The following STARD8 variants were observed in gnomAD, a reference collection of about 807,000 sequenced individuals.
STARD8 encodes the protein StAR related lipid transfer domain containing 8, also known as stAR-related lipid transfer protein 8.
STARD8 carries 25 observed loss-of-function variants against 69.4 expected under a neutral mutation model. That is an observed-to-expected ratio of 0.36 (90% CI 0.26 to 0.50). STARD8 has a LOEUF of 0.50. Among genes scored for constraint, STARD8 ranks in the 20% least tolerant of loss-of-function variants. The pLI is 0.96. For missense variants in STARD8, 921 were observed against 932.5 expected, an observed-to-expected ratio of 0.99 and a Z score of 0.16; for synonymous variants, 389 against 374.6, an observed-to-expected ratio of 1.04 and a Z score of -0.45.
Position 68,717,798 on chromosome X carries a change from G to T in STARD8, c.884G>T (p.Gly295Val), listed in dbSNP as rs1424903287. The T allele has an allele frequency of 8.3e-7, 1 of 1,211,786 alleles. No homozygotes were observed. The change falls in exon 6 of 15, where the codon GGT (glycine) becomes GTT (valine). Residue 295 changes from glycine to valine, a missense_variant. Transcript: ENST00000374599. ...CGGCATCCTCAGTGGACACACCGGG[G>T]TGATTGCCTGGTGCACGTTCCTGGG... ...SFRHPQWTHR[G>V]DCLVHVPGDH... is the part of the protein sequence containing the mutation.
rs1481143365 is a variant in STARD8, at chrX:68,725,123, C to G, written c.*701C>G. Reference sequence around the variant, plus strand: ...CCTTCCTTTCTCAAGTCTCGAGATGCCAGTGAAACCAGTATTCCCTGACTT... The same window carrying G: ...CCTTCCTTTCTCAAGTCTCGAGATGGCAGTGAAACCAGTATTCCCTGACTT... On this transcript the variant is annotated 3_prime_UTR_variant, in exon 15 of 15. Coordinates refer to ENST00000374599, the MANE Select transcript of STARD8 (RefSeq NM_001142503.3). The G allele has an allele frequency of 9.0e-6, 1 of 111,183 alleles. No individual in the cohort carries two copies. The highest frequency in any genetic ancestry group is 1.9e-5 in the Non-Finnish European group (1 of 53,005). 9.2% of individuals were successfully genotyped at this position (111,183 alleles called of 1,213,427 possible). A position where few individuals can be genotyped will look rare whatever the true frequency, so the allele number is the denominator to read the frequency against.
intron 4 of STARD8, among the ~76,000 whole-genome samples, 194 bp downstream of exon 4, chrX:68,715,569 A>T (rs1291757504): frequency 1.8e-5 from 2 of 112,563 alleles, no homozygotes; most frequent in African/African-American, 6.5e-5. Context: ...TCTAGCTAGA[A>T]AGCCAAGATC....
At chrX:68,709,828 G>GAA (rs1243466941) in intron 2 of STARD8, among the ~76,000 whole-genome samples, 1 of 94,128 alleles carries the variant, frequency 1.1e-5, no homozygotes, top group Admixed American at 1.1e-4. Flanking sequence ...GTCTCAAAAA[G>GAA]AAAAAAAAAA....
chrX:68,717,340 G>A lies in STARD8; in HGVS notation c.426G>A (p.Ala142=), dbSNP rs146932037. 36 of 1,205,042 alleles carry A rather than the reference G, an allele frequency of 3.0e-5. No homozygotes were observed. Among genetic ancestry groups the A allele is most frequent in the South Asian group, 1.3e-4 (7 of 55,968 alleles). ...CCCCACCGAGCCCTGGCCTGCCAGC[G>A]ACCTCAAGCTGTGAGAGCGTCCTCA... is the stretch of plus-strand genomic sequence containing the variant. ...LLAPPSPGLP[A]TSSCESVLTE... is the part of the protein sequence containing the mutation. Residue 142 remains alanine, a synonymous_variant, in exon 6 of 15, where the codon GCG becomes GCA. Coordinates refer to ENST00000374599, the MANE Select transcript of STARD8 (RefSeq NM_001142503.3).
chrX:68,685,926 G>A (rs975022709), intron 2 of STARD8, among the ~76,000 whole-genome samples: 1 of 112,263 alleles, frequency 8.9e-6, no homozygotes, highest in Non-Finnish European at 1.9e-5. Flanking sequence ...TGTCAAGATG[G>A]CCAGAGCCAT....
chrX:68,655,468 A>G (rs1157717740), intron 1 of STARD8, among the ~76,000 whole-genome samples: 1 of 111,979 alleles, frequency 8.9e-6, no homozygotes, highest in Non-Finnish European at 1.9e-5. Context: ...ATAACCTGTC[A>G]GCTGGGTGAT....
At chrX:68,652,169 T>C (rs1374046969) in intron 1 of STARD8, among the ~76,000 whole-genome samples, 1 of 110,963 alleles carries the variant, frequency 9.0e-6, no homozygotes, top group Non-Finnish European at 1.9e-5. Flanking sequence ...GGCTGTGTCT[T>C]TAAAGTGCCT....
chrX:68,690,101 CG>C (rs1045432589), intron 2 of STARD8, among the ~76,000 whole-genome samples: 1 of 110,250 alleles, frequency 9.1e-6, no homozygotes, highest in Non-Finnish European at 1.9e-5. Context: ...TGAGGCTGGG[CG>C]GGGGCCCCAA....
chrX:68,706,747 C>T (rs2080009892), intron 2 of STARD8, among the ~76,000 whole-genome samples: 1 of 113,059 alleles, frequency 8.8e-6, no homozygotes, highest in Non-Finnish European at 1.9e-5. Context: ...AAAGAAGCTG[C>T]TCAGAGCAGT....
intron 1 of STARD8, among the ~76,000 whole-genome samples, chrX:68,660,132 G>C (rs893527233): frequency 9.0e-6 from 1 of 110,864 alleles, no homozygotes; most frequent in African/African-American, 3.3e-5. Context: ...GGAGACAGAG[G>C]GGAGGTAGGT....
chrX:68,719,718 C>T (rs780391652), intron 7 of STARD8, among the ~76,000 whole-genome samples: 10 of 112,421 alleles, frequency 8.9e-5, no homozygotes, highest in Non-Finnish European at 1.7e-4. Flanking sequence ...ACCATGACTC[C>T]TTCCTGTTCT....
chrX:68,704,101 G>A (rs1602592336), intron 2 of STARD8, among the ~76,000 whole-genome samples: 4 of 111,428 alleles, frequency 3.6e-5, no homozygotes, highest in Admixed American at 1.9e-4. Flanking sequence ...ACACTGCAGC[G>A]GCAACACAAA....
intron 3 of STARD8, among the ~76,000 whole-genome samples, chrX:68,713,970 T>C (rs2080072122): frequency 8.9e-6 from 1 of 111,842 alleles, no homozygotes; most frequent in Admixed American, 9.5e-5. Flanking sequence ...CTTAATTTAA[T>C]TCCTCCTTGT....
Position 68,665,630 on chromosome X carries a change from CCAACGGCCGAGATG to C in STARD8, c.79+102_79+115del, listed in dbSNP as rs1286692390. On this transcript the variant is annotated intron_variant, in intron 2 of 14. Coordinates refer to ENST00000374599, the MANE Select transcript of STARD8 (RefSeq NM_001142503.3). ...CCGATCAGGTCCCTGGGCAGCAGAG[CCAACGGCCGAGATG>C]CAAAAGCCGGAGACATCCTCTCTGT... The C allele has an allele frequency of 3.2e-6, 3 of 935,864 alleles. No individual in the cohort carries two copies. In the Admixed American group the frequency reaches 7.9e-5, roughly 25 times the overall value. The allele number at this position is 935,864 out of a possible 1,213,427, so 77.1% of individuals were successfully genotyped here.
chrX:68,719,181 C>T, intron 6 of STARD8, 44 bp from the exon 7 acceptor site: 1 of 1,125,564 alleles, frequency 8.9e-7, no homozygotes, highest in Non-Finnish European at 1.2e-6. Flanking sequence ...TTAGCCAAAC[C>T]TGCTCCTCTG....
intron 1 of STARD8, among the ~76,000 whole-genome samples, chrX:68,656,857 G>T (rs770186137): frequency 1.7e-3 from 183 of 110,499 alleles, no homozygotes; most frequent in Non-Finnish European, 2.9e-3. Context: ...GGGGCCTGTT[G>T]TGGGGTGGAG....
At chrX:68,703,187 G>T (rs189404364) in intron 2 of STARD8, among the ~76,000 whole-genome samples, 4 of 112,091 alleles carry the variant, frequency 3.6e-5, no homozygotes, top group African/African-American at 1.3e-4. Flanking sequence ...TTGAGCCCGG[G>T]AGGTCGAGGC....
At chrX:68,715,902 C>T (rs192461564) in intron 4 of STARD8, among the ~76,000 whole-genome samples, 25 of 112,647 alleles carry the variant, frequency 2.2e-4, no homozygotes, top group African/African-American at 7.4e-4. Flanking sequence ...CCACCCAAAG[C>T]CCTTTGCGAG....
intron 1 of STARD8, among the ~76,000 whole-genome samples, chrX:68,652,987 ACAC>A (rs1465695463): frequency 5.1e-5 from 3 of 59,111 alleles, no homozygotes; most frequent in African/African-American, 6.9e-5. Flanking sequence ...CACCACACAC[ACAC>A]CACACACCAC....
Sources: allele counts gnomAD v4.1 joint callset (sites outside exome capture counted in the v4.1 genomes callset), GRCh38; gene constraint gnomAD v4.1.1; transcripts MANE v1.5; gene names NCBI Gene and HGNC (gene_info 2026-07-23, HGNC 2026-07-21).